Variants in ANKAR observed in about 807,000 individuals in gnomAD.
The protein encoded by ANKAR is ankyrin and armadillo repeat containing.
ANKAR carries 136 observed loss-of-function variants against 146.2 expected under a neutral mutation model. The ratio of observed to expected loss-of-function variants is 0.93; its 90% confidence interval spans 0.81 to 1.07. The LOEUF is 1.07. Ranked by LOEUF, ANKAR falls within the 50% of genes least tolerant of loss-of-function variation. The pLI, the probability that ANKAR is intolerant of heterozygous loss-of-function variation, is 0.00. For missense variants in ANKAR, 1,567 were observed against 1,679.9 expected, an observed-to-expected ratio of 0.93 and a Z score of 1.18; for synonymous variants, 500 against 575.8, an observed-to-expected ratio of 0.87 and a Z score of 1.88.
At chr2:189,742,977 CACA>C (rs1206124837) in intron 20 of ANKAR, among the ~76,000 whole-genome samples, 15 of 122,640 alleles carry the variant, frequency 1.2e-4, no homozygotes, top group East Asian at 5.1e-4. Flanking sequence ...CACACACACA[CACA>C]CCCCTGAAAG....
intron 15 of ANKAR, among the ~76,000 whole-genome samples, chr2:189,729,872 T>C (rs939109106): frequency 6.6e-6 from 1 of 152,152 alleles, no homozygotes. Flanking sequence ...ATAAACCCAC[T>C]GTATATTTAT....
chr2:189,714,067 C>CT (rs2040079543), intron 10 of ANKAR, among the ~76,000 whole-genome samples: 1 of 152,094 alleles, frequency 6.6e-6, no homozygotes, highest in African/African-American at 2.4e-5. Context: ...ACTAACTATC[C>CT]TAAATATATA....
At chr2:189,712,558 A>G (rs2039853731) in intron 10 of ANKAR, among the ~76,000 whole-genome samples, 3 of 152,222 alleles carry the variant, frequency 2.0e-5, no homozygotes, top group Non-Finnish European at 4.4e-5. Flanking sequence ...ACTAACAAAC[A>G]GAAAGGAATA....
chr2:189,735,258 T>C (rs1236354365), intron 17 of ANKAR, among the ~76,000 whole-genome samples: 1 of 152,170 alleles, frequency 6.6e-6, no homozygotes, highest in African/African-American at 2.4e-5. Context: ...ATTTGGCTTA[T>C]AATAGATTTA....
chr2:189,674,912 G>C (rs764495900), intron 1 of ANKAR, 82 bp downstream of exon 1: 1 of 152,470 alleles, frequency 6.6e-6, no homozygotes, highest in Non-Finnish European at 1.5e-5. Flanking sequence ...TGGGTCCCGG[G>C]CTTGACTGGA....
Position 189,696,161 on chromosome 2 carries a change from T to C in ANKAR, c.1500T>C (p.Phe500=). 2 of 1,613,926 alleles carry C rather than the reference T, an allele frequency of 1.2e-6. No individual in the cohort carries two copies. Among genetic ancestry groups the C allele is most frequent in the Non-Finnish European group, 8.5e-7 (1 of 1,179,948 alleles). ...KRAMKCKSIP[F]GMKSAVERGL... ...CTTCTTAATTTTAGAGTATTCCATT[T>C]GGTATGAAGTCCGCTGTTGAAAGAG... Residue 500 remains phenylalanine, a synonymous_variant, in exon 7 of 23, where the codon TTT becomes TTC. Transcript: ENST00000684021.
chr2:189,699,424 C>T (rs751626808), intron 7 of ANKAR, among the ~76,000 whole-genome samples: 3 of 152,096 alleles, frequency 2.0e-5, no homozygotes, highest in Admixed American at 6.6e-5. Flanking sequence ...GAGTTTACCA[C>T]ATTCATTTAC....
downstream of ANKAR, chr2:189,761,232 T>G (rs1341835492): frequency 2.1e-6 from 1 of 478,142 alleles, no homozygotes; most frequent in African/African-American, 2.0e-5. Flanking sequence ...TAGTTAAGGT[T>G]GGGACCTTAT....
chr2:189,719,951 G>C, intron 11 of ANKAR, 138 bp downstream of exon 11: 1 of 1,012,072 alleles, frequency 9.9e-7, no homozygotes, highest in Non-Finnish European at 1.4e-6. Flanking sequence ...GAGAGAGGGT[G>C]CCTGATGAAA....
chr2:189,749,554 A>C (rs967143427), downstream of ANKAR, among the ~76,000 whole-genome samples: 19 of 152,170 alleles, frequency 1.2e-4, no homozygotes, highest in African/African-American at 4.6e-4. Context: ...TTAAAAAAAA[A>C]TCCAAAAAAA....
chr2:189,747,254 G>T (rs2254270), downstream of ANKAR: 147,882 of 150,678 alleles, frequency 0.98, 72,628 homozygotes, highest in South Asian at 1. Flanking sequence ...CAGGAGGATT[G>T]CTTGAGTTCA....
At chr2:189,713,423 G>A (rs750699770) in intron 10 of ANKAR, among the ~76,000 whole-genome samples, 6 of 152,220 alleles carry the variant, frequency 3.9e-5, no homozygotes, top group Non-Finnish European at 5.9e-5. Flanking sequence ...GGATCTCTTG[G>A]TAGAAAATCT....
rs749399310 is a variant in ANKAR at position 189,692,347 on chromosome 2, T to C, written c.1132T>C (p.Phe378Leu). The change falls in exon 4 of 23, where the codon TTT becomes CTT. Residue 378 changes from phenylalanine (F) to leucine (L), a missense_variant. Transcript: ENST00000684021. Reference protein sequence around the residue: ...QNFHYKENQYFHVHGGIEFDI... With the variant: ...QNFHYKENQYLHVHGGIEFDI... ...TTTTCACTACAAAGAGAATCAATAT[T>C]TTCATGTTCATGGAGGAATTGAATT... is the stretch of plus-strand genomic sequence containing the variant. The C allele has an allele frequency of 3.1e-6, 5 of 1,613,222 alleles. No homozygotes were observed. The highest frequency in any genetic ancestry group is 4.2e-6 in the Non-Finnish European group (5 of 1,179,748).
intron 18 of ANKAR, among the ~76,000 whole-genome samples, chr2:189,756,546 T>C (rs967206904): frequency 6.6e-6 from 1 of 152,226 alleles, no homozygotes; most frequent in Non-Finnish European, 1.5e-5. Flanking sequence ...GAGGGGGATA[T>C]AAATGAAATG....
intron 17 of ANKAR, 34 bp downstream of exon 17, chr2:189,733,263 G>GA (rs1254976702): frequency 7.8e-6 from 12 of 1,536,538 alleles, no homozygotes; most frequent in East Asian, 2.3e-5. Context: ...GGTTCATTTT[G>GA]AAAAAAATGG....
At chr2:189,736,167 C>G (rs944307685) in intron 17 of ANKAR, among the ~76,000 whole-genome samples, 2 of 152,334 alleles carry the variant, frequency 1.3e-5, no homozygotes, top group Admixed American at 1.3e-4. Flanking sequence ...TGGGAGCAGT[C>G]AAACTATGGG....
At chr2:189,697,211 C>T (rs559259405) in intron 7 of ANKAR, among the ~76,000 whole-genome samples, 7 of 150,556 alleles carry the variant, frequency 4.6e-5, no homozygotes, top group African/African-American at 1.5e-4. Flanking sequence ...GGCAGCATAA[C>T]GAGACCCCCT....
At chr2:189,695,257 G>T in intron 6 of ANKAR, 96 bp downstream of exon 6, 1 of 1,026,962 alleles carries the variant, frequency 9.7e-7, no homozygotes, top group Non-Finnish European at 1.3e-6. Context: ...GATAATAATA[G>T]GTTAAAGTCT....
At chr2:189,689,398 A>G (rs2036090181) in intron 2 of ANKAR, 129 bp from the exon 3 acceptor site, 2 of 774,598 alleles carry the variant, frequency 2.6e-6, no homozygotes, top group East Asian at 2.6e-5. Context: ...GGTTTACAGC[A>G]TCTAATTTTT....
Sources: gnomAD v4.1 joint callset for allele counts (sites outside exome capture counted in the v4.1 genomes callset) on GRCh38, gnomAD v4.1.1 for gene constraint, MANE v1.5 for transcripts, NCBI Gene and HGNC (gene_info 2026-07-23, HGNC 2026-07-21) for gene names.